NBAS: variants seen among roughly 807,000 people sequenced by gnomAD.
NBAS encodes the protein NBAS subunit of NRZ tethering complex.
Under a neutral mutation model 302.5 loss-of-function variants are expected in NBAS, and 219 were observed. That is an observed-to-expected ratio of 0.72 (90% confidence interval 0.65 to 0.81). The LOEUF (loss-of-function observed/expected upper bound fraction) is 0.81. NBAS is among the 30% of genes least tolerant of loss of function. NBAS has a pLI of 0.00. For missense variants in NBAS, 2,932 were observed against 2,841.6 expected, an observed-to-expected ratio of 1.03 and a Z score of -0.72; for synonymous variants, 1,118 against 1,021.6, an observed-to-expected ratio of 1.09 and a Z score of -1.80.
At chr2:15,020,185 C>T in the NBAS span, among the ~76,000 whole-genome samples, 1 of 152,146 alleles carries the variant, frequency 6.6e-6, no homozygotes, top group East Asian at 1.9e-4. Flanking sequence ...GAAGAAAGGG[C>T]AAATAGATTT....
At chr2:14,790,765 C>T in the NBAS span, among the ~76,000 whole-genome samples, 1 of 151,930 alleles carries the variant, frequency 6.6e-6, no homozygotes, top group Non-Finnish European at 1.5e-5. Flanking sequence ...AATTCTCCTG[C>T]CCCAGCCTAC....
chr2:14,970,548 A>G, the NBAS span, among the ~76,000 whole-genome samples: 1 of 152,230 alleles, frequency 6.6e-6, no homozygotes, highest in Non-Finnish European at 1.5e-5. Context: ...CAGGTCCTCT[A>G]ATAGAACACA....
chr2:14,876,260 A>G, the NBAS span, among the ~76,000 whole-genome samples: 3 of 152,356 alleles, frequency 2.0e-5, no homozygotes, highest in South Asian at 6.2e-4. Flanking sequence ...TTTAAGTATC[A>G]AGTATGTCCA....
chr2:15,307,086 G>A (rs1377092136), intron 40 of NBAS, among the ~76,000 whole-genome samples: 1 of 152,198 alleles, frequency 6.6e-6, no homozygotes, highest in Admixed American at 6.5e-5. Flanking sequence ...CGAAGCTATG[G>A]CTGTGACAGG....
chr2:15,494,867 T>C (rs1295270983), intron 11 of NBAS, among the ~76,000 whole-genome samples: 1 of 152,204 alleles, frequency 6.6e-6, no homozygotes, highest in African/African-American at 2.4e-5. Flanking sequence ...AATCTTCCAC[T>C]TTAATTCTGC....
chr2:15,526,803 A>G lies in NBAS; in HGVS notation c.746+7740T>C, dbSNP rs567848838. Among the ~76,000 whole-genome samples the G allele has an allele frequency of 4.8e-4, 73 of 152,194 alleles. 2 individuals carry two copies. The South Asian group carries it at 0.015, about 31-fold the overall frequency. The stretch of plus-strand genomic sequence containing the variant: ...TCCAGATGTTCTTATTTAAATGGAG[A>G]CTGCCCCTCAAAAATACCCTCAATT... On this transcript the variant is annotated intron_variant, in intron 9 of 51. Coordinates refer to ENST00000281513, the MANE Select transcript of NBAS (RefSeq NM_015909.4).
the NBAS span, among the ~76,000 whole-genome samples, chr2:15,125,474 A>C: frequency 3.3e-5 from 5 of 151,888 alleles, no homozygotes; most frequent in Non-Finnish European, 7.3e-5. Context: ...TAAAGTATTC[A>C]TGAGGGATCC....
Position 15,190,341 on chromosome 2 carries a change from T to G in NBAS, c.6495A>C (p.Glu2165Asp), listed in dbSNP as rs201230532. The G allele has an allele frequency of 3.2e-5, 51 of 1,613,886 alleles. No individual in the cohort carries two copies. The highest frequency in any genetic ancestry group is 4.2e-5 in the Non-Finnish European group (50 of 1,179,930). The change falls in exon 49 of 52, where the codon GAA (glutamate) becomes GAC (aspartate). Residue 2165 changes from glutamate to aspartate, a missense_variant. Coordinates refer to ENST00000281513, the MANE Select transcript of NBAS (RefSeq NM_015909.4). Reference sequence around the variant, plus strand: ...GAAATTCAGCCTCGTGGTGACTAGATTCCAGGAGTTCCATGAATAGACAGT... The same window carrying G: ...GAAATTCAGCCTCGTGGTGACTAGAGTCCAGGAGTTCCATGAATAGACAGT... ...NRYCLFMELLESSHHEAEFQH... is the reference protein window; with the variant it reads ...NRYCLFMELLDSSHHEAEFQH...
chr2:15,372,120 G>A (rs752121175), intron 31 of NBAS, among the ~76,000 whole-genome samples: 4 of 152,086 alleles, frequency 2.6e-5, no homozygotes, highest in Non-Finnish European at 5.9e-5. Flanking sequence ...CAGGCTGAGT[G>A]TAACTATAAT....
At chr2:14,917,147 T>A in the NBAS span, among the ~76,000 whole-genome samples, 7 of 152,220 alleles carry the variant, frequency 4.6e-5, no homozygotes, top group African/African-American at 1.7e-4. Flanking sequence ...ATTTGTTGTC[T>A]CATGATTGTT....
At chr2:15,246,106 G>C (rs150795779) in intron 44 of NBAS, among the ~76,000 whole-genome samples, 1 of 152,318 alleles carries the variant, frequency 6.6e-6, no homozygotes, top group Non-Finnish European at 1.5e-5. Flanking sequence ...GTATATTGAA[G>C]ATAATTACAT....
At chr2:15,040,764 C>G in the NBAS span, among the ~76,000 whole-genome samples, 13 of 152,308 alleles carry the variant, frequency 8.5e-5, no homozygotes, top group South Asian at 2.5e-3. Flanking sequence ...AGGGGCTGCT[C>G]TCCTTCAGAC....
chr2:14,796,184 C>A, the NBAS span, among the ~76,000 whole-genome samples: 2 of 152,148 alleles, frequency 1.3e-5, no homozygotes, highest in Admixed American at 1.3e-4. Context: ...AGTTTTGGAG[C>A]CTCTTTTCTG....
the NBAS span, among the ~76,000 whole-genome samples, chr2:14,950,404 G>A: frequency 6.6e-6 from 1 of 152,142 alleles, no homozygotes; most frequent in Non-Finnish European, 1.5e-5. Context: ...ATAGCTAGTA[G>A]ATTATAATTT....
At chr2:15,173,392 C>A (rs1273819053) in intron 51 of NBAS, among the ~76,000 whole-genome samples, 1 of 151,956 alleles carries the variant, frequency 6.6e-6, no homozygotes, top group Non-Finnish European at 1.5e-5. Flanking sequence ...TGCATGCAGC[C>A]CTCATTTCAT....
the NBAS span, among the ~76,000 whole-genome samples, chr2:15,100,863 A>G: frequency 6.6e-6 from 1 of 152,212 alleles, no homozygotes; most frequent in Non-Finnish European, 1.5e-5. Flanking sequence ...ATGCACACTT[A>G]AACGGAATTC....
chr2:15,125,109 TG>T, the NBAS span, among the ~76,000 whole-genome samples: 1 of 152,216 alleles, frequency 6.6e-6, no homozygotes, highest in African/African-American at 2.4e-5. Flanking sequence ...AGCAGCTACA[TG>T]GGCTATATAC....
chr2:14,938,877 G>T, the NBAS span, among the ~76,000 whole-genome samples: 1 of 152,214 alleles, frequency 6.6e-6, no homozygotes, highest in Non-Finnish European at 1.5e-5. Context: ...TAGTTCAGTA[G>T]AAGACTCTTG....
chr2:15,465,295 T>G (rs1679676054), intron 19 of NBAS, among the ~76,000 whole-genome samples: 1 of 152,222 alleles, frequency 6.6e-6, no homozygotes, highest in African/African-American at 2.4e-5. Context: ...GAAATCTGCC[T>G]GCCTTTTGTG....
Sources: gnomAD v4.1 joint callset for allele counts (sites outside exome capture counted in the v4.1 genomes callset) on GRCh38, gnomAD v4.1.1 for gene constraint, MANE v1.5 for transcripts, NCBI Gene and HGNC (gene_info 2026-07-23, HGNC 2026-07-21) for gene names.